Variants in MIS18A observed in about 807,000 individuals in gnomAD.
MIS18A encodes the protein protein Mis18-alpha.
A neutral mutation model predicts 25.0 loss-of-function variants in MIS18A; 14 were observed. That is an observed-to-expected ratio of 0.56 (90% confidence interval 0.37 to 0.88). The LOEUF is 0.88. MIS18A is among the 40% of genes least tolerant of loss of function. The pLI, the probability that MIS18A is intolerant of heterozygous loss-of-function variation, is 0.00. For missense variants in MIS18A, 292 were observed against 290.8 expected, an observed-to-expected ratio of 1.00 and a Z score of -0.03; for synonymous variants, 134 against 118.6, an observed-to-expected ratio of 1.13 and a Z score of -0.84.
chr21:32,196,404 T>C, the MIS18A span, among the ~76,000 whole-genome samples: 1 of 152,022 alleles, frequency 6.6e-6, no homozygotes, highest in Non-Finnish European at 1.5e-5. Context: ...GGTTCCCAGC[T>C]TGCTGCCTGC....
At chr21:32,206,227 C>T in the MIS18A span, among the ~76,000 whole-genome samples, 4 of 152,198 alleles carry the variant, frequency 2.6e-5, no homozygotes, top group Non-Finnish European at 5.9e-5. Flanking sequence ...CTGGAAACCC[C>T]TTTCCCTAGG....
chr21:32,217,411 A>G, the MIS18A span, among the ~76,000 whole-genome samples: 3 of 152,218 alleles, frequency 2.0e-5, no homozygotes, highest in African/African-American at 7.2e-5. Context: ...ATACTTGAAA[A>G]TAAGTTGATT....
At chr21:32,197,270 G>A in the MIS18A span, among the ~76,000 whole-genome samples, 1 of 150,518 alleles carries the variant, frequency 6.6e-6, no homozygotes, top group Non-Finnish European at 1.5e-5. Flanking sequence ...CCCTTTGGTA[G>A]TTCCTTATGT....
chr21:32,230,688 T>G, the MIS18A span, among the ~76,000 whole-genome samples: 14 of 152,276 alleles, frequency 9.2e-5, no homozygotes, highest in African/African-American at 2.6e-4. Context: ...GTATCAATCA[T>G]GCAAAAGAAT....
chr21:32,269,236 G>A, intron 4 of MIS18A, 119 bp from the exon 5 acceptor site: 1 of 718,510 alleles, frequency 1.4e-6, no homozygotes, highest in Non-Finnish European at 2.2e-6. Context: ...ACATTACAAG[G>A]TAGATATTCA....
chr21:32,202,545 T>G, the MIS18A span, among the ~76,000 whole-genome samples: 1 of 152,230 alleles, frequency 6.6e-6, no homozygotes, highest in African/African-American at 2.4e-5. Context: ...ACATTCATAT[T>G]GTTGTGCAAC....
At chr21:32,207,589 T>C in the MIS18A span, among the ~76,000 whole-genome samples, 1 of 152,198 alleles carries the variant, frequency 6.6e-6, no homozygotes, top group Non-Finnish European at 1.5e-5. Flanking sequence ...CTGTCTACGG[T>C]GGAGGGGCTG....
the MIS18A span, among the ~76,000 whole-genome samples, chr21:32,177,463 G>T: frequency 3.3e-4 from 50 of 151,976 alleles, no homozygotes; most frequent in Non-Finnish European, 7.1e-4. Flanking sequence ...AAAAAAGGCA[G>T]GAAAAAATGC....
the MIS18A span, among the ~76,000 whole-genome samples, chr21:32,187,402 T>C: frequency 6.6e-6 from 1 of 151,954 alleles, no homozygotes; most frequent in African/African-American, 2.4e-5. Flanking sequence ...GTGGAGTGAG[T>C]GGAGTTTTTA....
At chr21:32,270,700 T>C (rs2031698343) in intron 2 of MIS18A, 171 bp from the exon 3 acceptor site, 1 of 630,548 alleles carries the variant, frequency 1.6e-6, no homozygotes, top group African/African-American at 1.9e-5. Context: ...ACAATAAAAA[T>C]GTAAAGACAG....
At chr21:32,221,939 C>T in the MIS18A span, among the ~76,000 whole-genome samples, 18 of 151,742 alleles carry the variant, frequency 1.2e-4, no homozygotes, top group Admixed American at 1.2e-3. Flanking sequence ...TCACACATAA[C>T]AATATTAACC....
downstream of MIS18A, among the ~76,000 whole-genome samples, chr21:32,266,591 C>T (rs1212514299): frequency 2.6e-5 from 4 of 151,944 alleles, no homozygotes; most frequent in Admixed American, 2.0e-4. Context: ...CAACTCCAGA[C>T]GCGCTGCCTT....
the MIS18A span, among the ~76,000 whole-genome samples, chr21:32,171,296 A>G: frequency 6.6e-6 from 1 of 152,130 alleles, no homozygotes; most frequent in African/African-American, 2.4e-5. Flanking sequence ...GTTGAATTCA[A>G]CAAGATAGTC....
the MIS18A span, among the ~76,000 whole-genome samples, chr21:32,165,374 T>A: frequency 6.7e-6 from 1 of 148,544 alleles, no homozygotes; most frequent in African/African-American, 2.5e-5. Flanking sequence ...TCAAAAATCC[T>A]CAAAACTCAA....
chr21:32,205,294 C>T, the MIS18A span, among the ~76,000 whole-genome samples: 2 of 151,646 alleles, frequency 1.3e-5, no homozygotes, highest in Non-Finnish European at 2.9e-5. Flanking sequence ...TTAGTAGAGA[C>T]GGGGTTTCAC....
downstream of MIS18A, among the ~76,000 whole-genome samples, chr21:32,267,787 T>C (rs1223572343): frequency 6.6e-6 from 1 of 152,364 alleles, no homozygotes; most frequent in African/African-American, 2.4e-5. Flanking sequence ...TGCAGCTGGA[T>C]GCTGCCTTGT....
At chr21:32,160,425 G>C in the MIS18A span, among the ~76,000 whole-genome samples, 1 of 151,918 alleles carries the variant, frequency 6.6e-6, no homozygotes, top group African/African-American at 2.4e-5. Flanking sequence ...AGAAAGTTTA[G>C]TTTGCCAAGA....
At chr21:32,223,770 TC>T in the MIS18A span, among the ~76,000 whole-genome samples, 2 of 152,132 alleles carry the variant, frequency 1.3e-5, no homozygotes, top group Non-Finnish European at 2.9e-5. Context: ...CCTCCCTAAC[TC>T]ATTTTATGAG....
the MIS18A span, among the ~76,000 whole-genome samples, chr21:32,229,907 C>A: frequency 1.3e-5 from 2 of 152,148 alleles, no homozygotes; most frequent in Non-Finnish European, 2.9e-5. Flanking sequence ...ATTAAGTTAT[C>A]CCTTCTTGTT....
Sources: gnomAD v4.1 joint callset for allele counts (sites outside exome capture counted in the v4.1 genomes callset) on GRCh38, gnomAD v4.1.1 for gene constraint, MANE v1.5 for transcripts, NCBI Gene and HGNC (gene_info 2026-07-23, HGNC 2026-07-21) for gene names.